DIP2B: variants seen among roughly 807,000 people sequenced by gnomAD.
The protein encoded by DIP2B is DIP2 acetate--CoA ligase B (putative), also known as disco-interacting protein 2 homolog B.
Under a neutral mutation model 198.0 loss-of-function variants are expected in DIP2B, and 76 were observed. That is an observed-to-expected ratio of 0.38 (90% confidence interval 0.32 to 0.46). The LOEUF is 0.46. Ranked by LOEUF, DIP2B falls within the 20% of genes least tolerant of loss-of-function variation. The pLI is 0.99. For synonymous variants in DIP2B, 701 were observed against 739.1 expected (o/e 0.95, Z 0.84); for missense variants, 1,559 against 1,978.4 (o/e 0.79, Z 4.02).
chr12:50,686,850 C>A, intron 12 of DIP2B, 168 bp downstream of exon 12: 1 of 562,614 alleles, frequency 1.8e-6, no homozygotes, highest in Non-Finnish European at 3.1e-6. Context: ...ATCTTCTATC[C>A]TAATTATTTT....
chr12:50,625,941 A>G (rs755744364), intron 1 of DIP2B, 35 bp from the exon 2 acceptor site: 3 of 1,596,822 alleles, frequency 1.9e-6, no homozygotes, highest in Non-Finnish European at 2.6e-6. Flanking sequence ...GAGTAAGAAT[A>G]ATGCATAACC....
intron 1 of DIP2B, among the ~76,000 whole-genome samples, chr12:50,596,162 A>G (rs754754630): frequency 6.6e-5 from 10 of 152,328 alleles, no homozygotes; most frequent in Admixed American, 1.3e-4. Flanking sequence ...CATGTTTCCA[A>G]ATTTACTTGT....
intron 7 of DIP2B, among the ~76,000 whole-genome samples, chr12:50,675,722 A>G (rs1938934913): frequency 6.6e-6 from 1 of 152,238 alleles, no homozygotes; most frequent in Admixed American, 6.5e-5. Context: ...ATTAGGAACT[A>G]TCCCAAATAC....
At position 50,561,191 on chromosome 12, in the gene DIP2B, T is replaced by C. The variant is rs1350911339; in HGVS notation, c.100+55951T>C. On this transcript the variant is annotated intron_variant, in intron 1 of 37. Transcript: ENST00000301180. Reference sequence around the variant, plus strand: ...CTCCATGCAGCCAAGGGTGAATATTTAAGTTTTATTTCTATGGATCATTCT... The same window carrying C: ...CTCCATGCAGCCAAGGGTGAATATTCAAGTTTTATTTCTATGGATCATTCT... Among the ~76,000 whole-genome samples, 4 of 152,296 alleles carry C rather than the reference T, an allele frequency of 2.6e-5. No individual in the cohort carries two copies. In the South Asian group the frequency reaches 8.3e-4, roughly 32 times the overall value.
intron 1 of DIP2B, among the ~76,000 whole-genome samples, chr12:50,624,563 A>G (rs1173618956): frequency 6.6e-6 from 1 of 152,086 alleles, no homozygotes; most frequent in East Asian, 1.9e-4. Flanking sequence ...TGAACTCCCA[A>G]CCTTGTGATC....
In DIP2B at chr12:50,653,328, C is replaced by CTT. The variant is rs71086465; in HGVS notation, c.302-6855_302-6854dup. On this transcript the variant is annotated intron_variant, in intron 3 of 37. Coordinates refer to ENST00000301180, the MANE Select transcript of DIP2B (RefSeq NM_173602.3). Reference sequence around the variant, plus strand: ...TAATGATTCATAGTAGTCTTTCTTTCTTTTTTTTTTTTCTTTTCTTTTTTT... The same window carrying CTT: ...TAATGATTCATAGTAGTCTTTCTTTCTTTTTTTTTTTTTTCTTTTCTTTTTTT... Among the ~76,000 whole-genome samples the CTT allele has an allele frequency of 5.1e-3, 588 of 116,256 alleles. 2 individuals carry two copies. The highest frequency in any genetic ancestry group is 0.029 in the Middle Eastern group (5 of 174). The allele number at this position is 116,256 out of a possible 152,430, so 76.3% of individuals were successfully genotyped here.
chr12:50,540,110 ATTT>A (rs71083594), intron 1 of DIP2B, among the ~76,000 whole-genome samples: 1 of 62,166 alleles, frequency 1.6e-5, no homozygotes, highest in Admixed American at 2.0e-4. Flanking sequence ...AGCTATGAAC[ATTT>A]TTTTTTTTTT....
intron 20 of DIP2B, among the ~76,000 whole-genome samples, chr12:50,705,148 T>C (rs1939491766): frequency 6.6e-6 from 1 of 152,186 alleles, no homozygotes; most frequent in Non-Finnish European, 1.5e-5. Flanking sequence ...ATTTTGTAAG[T>C]AATAGTCATT....
In DIP2B at chr12:50,652,016, C is replaced by G. The variant is rs543462450; in HGVS notation, c.302-8178C>G. Among the ~76,000 whole-genome samples the G allele has an allele frequency of 1.5e-4, 23 of 152,142 alleles. 1 individual carries two copies. The South Asian group carries it at 4.8e-3, about 32-fold the overall frequency. On this transcript the variant is annotated intron_variant, in intron 3 of 37. Transcript: ENST00000301180. ...CCAACATGGTGAAACCGTGTCTCTA[C>G]TAAAAATACAAAAATTAGCTGGGTG...
intron 2 of DIP2B, among the ~76,000 whole-genome samples, chr12:50,634,499 C>G (rs148302951): frequency 6.6e-6 from 1 of 152,294 alleles, no homozygotes; most frequent in Non-Finnish European, 1.5e-5. Context: ...CTACTGTGTT[C>G]CAAATACTGT....
intron 36 of DIP2B, among the ~76,000 whole-genome samples, 174 bp downstream of exon 36, chr12:50,739,760 GTGTCTAAGAGGTGAGCGCT>G (rs1940207158): frequency 6.6e-6 from 1 of 152,226 alleles, no homozygotes; most frequent in South Asian, 2.1e-4. Flanking sequence ...CCCATGAAGA[GTGTCTAAGAGGTGAGCGCT>G]TGGGGCAAGC....
At chr12:50,542,407 A>G (rs1958335023) in intron 1 of DIP2B, among the ~76,000 whole-genome samples, 1 of 152,094 alleles carries the variant, frequency 6.6e-6, no homozygotes, top group South Asian at 2.1e-4. Context: ...TTCCTGTCTT[A>G]ATTTTCTCTC....
chr12:50,730,529 G>A (rs1229162396), intron 30 of DIP2B, among the ~76,000 whole-genome samples: 1 of 151,710 alleles, frequency 6.6e-6, no homozygotes. Context: ...ACAGGTGTGT[G>A]CCACCACGCC....
chr12:50,727,734 G>A lies in DIP2B; in HGVS notation c.3432G>A (p.Leu1144=), dbSNP rs773560117. 1.4e-5 allele frequency: 22 copies of A among 1,614,152 alleles called. No individual in the cohort carries two copies. In the East Asian group the frequency reaches 4.0e-4, roughly 29 times the overall value. Residue 1144 remains leucine, a synonymous_variant, in exon 29 of 38, where the codon CTG becomes CTA. Coordinates refer to ENST00000301180, the MANE Select transcript of DIP2B (RefSeq NM_173602.3). ...TACCCAGGAAAAGGTTACCTCAGCT[G>A]TATAAACCGCCCACTCCTGAGATGT... is the stretch of plus-strand genomic sequence containing the variant. ...DDLPRKRLPQ[L]YKPPTPEMLA...
intron 23 of DIP2B, among the ~76,000 whole-genome samples, 190 bp downstream of exon 23, chr12:50,714,786 T>A (rs1412038673): frequency 6.6e-6 from 1 of 151,398 alleles, no homozygotes; most frequent in African/African-American, 2.4e-5. Context: ...CAAAAAAAAA[T>A]GGAAAAAATT....
At chr12:50,663,190 G>T (rs1326334439) in intron 4 of DIP2B, among the ~76,000 whole-genome samples, 1 of 152,204 alleles carries the variant, frequency 6.6e-6, no homozygotes, top group African/African-American at 2.4e-5. Flanking sequence ...ACTTTGGGAG[G>T]CTGAGGCGGG....
rs1270739306 is a variant in DIP2B, at chr12:50,747,953, G to C, written c.*3114G>C. 6.6e-6 allele frequency: 1 copy of C among 152,596 alleles called. No homozygotes were observed. The highest frequency in any genetic ancestry group is 1.5e-5 in the Non-Finnish European group (1 of 68,038). The allele number at this position is 152,596 out of a possible 1,614,324, so 9.5% of individuals were successfully genotyped here. On this transcript the variant is annotated 3_prime_UTR_variant, in exon 38 of 38. Coordinates refer to ENST00000301180, the MANE Select transcript of DIP2B (RefSeq NM_173602.3). ...GTCTTTACTTCCTGCCTCATAAAGG[G>C]CCAGGTCTCCCCAGTACCAAGTCCT... is the stretch of plus-strand genomic sequence containing the variant.
intron 12 of DIP2B, among the ~76,000 whole-genome samples, chr12:50,689,815 C>T (rs946697086): frequency 6.6e-6 from 1 of 151,904 alleles, no homozygotes; most frequent in African/African-American, 2.4e-5. Flanking sequence ...TATGGAGGAG[C>T]AGTGGGAGAG....
chr12:50,506,950 A>G (rs1957973699), intron 1 of DIP2B, among the ~76,000 whole-genome samples: 1 of 152,170 alleles, frequency 6.6e-6, no homozygotes, highest in African/African-American at 2.4e-5. Context: ...GGAGAGGGAA[A>G]TCCTGGAAGC....
Sources: allele counts gnomAD v4.1 joint callset (sites outside exome capture counted in the v4.1 genomes callset), GRCh38; gene constraint gnomAD v4.1.1; transcripts MANE v1.5; gene names NCBI Gene and HGNC (gene_info 2026-07-23, HGNC 2026-07-21).